The following KIAA1217 variants were observed in gnomAD, a reference collection of about 807,000 sequenced individuals.
KIAA1217 encodes sickle tail protein homolog.
A neutral mutation model predicts 163.9 loss-of-function variants in KIAA1217; 88 were observed. The observed-to-expected ratio is 0.54, with a 90% CI of 0.45 to 0.64. KIAA1217 has a LOEUF of 0.64. KIAA1217 is among the 30% of genes least tolerant of loss of function. The pLI, the probability that KIAA1217 is intolerant of heterozygous loss-of-function variation, is 0.00. For missense variants in KIAA1217, 2,372 were observed against 2,475.0 expected, an observed-to-expected ratio of 0.96 and a Z score of 0.88; for synonymous variants, 903 against 923.1, an observed-to-expected ratio of 0.98 and a Z score of 0.39.
chr10:24,173,986 C>T (rs1335695038), intron 2 of KIAA1217, among the ~76,000 whole-genome samples: 1 of 152,142 alleles, frequency 6.6e-6, no homozygotes, highest in African/African-American at 2.4e-5. Context: ...GGAACATGTG[C>T]CTTGTGACAC....
chr10:24,037,530 A>G (rs1848446852), intron 2 of KIAA1217, among the ~76,000 whole-genome samples: 1 of 152,118 alleles, frequency 6.6e-6, no homozygotes, highest in African/African-American at 2.4e-5. Context: ...TAGCCCACGA[A>G]TTCAAAGTAA....
chr10:23,741,550 A>AC (rs1243240545), intron 1 of KIAA1217, among the ~76,000 whole-genome samples: 1 of 152,002 alleles, frequency 6.6e-6, no homozygotes, highest in Non-Finnish European at 1.5e-5. Flanking sequence ...TATTTCACTA[A>AC]CCCCCCTTTT....
chr10:24,190,289 G>T (rs2066656210), intron 2 of KIAA1217, among the ~76,000 whole-genome samples: 1 of 152,204 alleles, frequency 6.6e-6, no homozygotes, highest in South Asian at 2.1e-4. Context: ...GACCTGCAAG[G>T]TACCATATTT....
chr10:24,188,932 C>T (rs951393328), intron 2 of KIAA1217, among the ~76,000 whole-genome samples: 7 of 151,842 alleles, frequency 4.6e-5, no homozygotes, highest in South Asian at 2.1e-4. Flanking sequence ...GGTGAAACCC[C>T]GTCTCTATTA....
At chr10:23,804,761 T>C (rs1836656873) in intron 1 of KIAA1217, among the ~76,000 whole-genome samples, 1 of 152,166 alleles carries the variant, frequency 6.6e-6, no homozygotes, top group South Asian at 2.1e-4. Flanking sequence ...TGAATGAAAG[T>C]GTATAGTCCG....
chr10:23,861,981 A>T (rs115069952), intron 1 of KIAA1217, among the ~76,000 whole-genome samples: 4,083 of 152,296 alleles, frequency 0.027, 75 homozygotes, highest in Middle Eastern at 0.044. Flanking sequence ...GCAATAGAAA[A>T]CTAATATAAG....
At chr10:23,990,348 C>A (rs1846165742) in intron 1 of KIAA1217, among the ~76,000 whole-genome samples, 1 of 152,262 alleles carries the variant, frequency 6.6e-6, no homozygotes, top group African/African-American at 2.4e-5. Flanking sequence ...CTGCTTAAAT[C>A]TTTCCCTTTT....
chr10:24,141,227 C>T (rs1203394351), intron 2 of KIAA1217, among the ~76,000 whole-genome samples: 2 of 93,068 alleles, frequency 2.1e-5, no homozygotes, highest in Non-Finnish European at 4.4e-5. Context: ...AAGAATAAAC[C>T]CCCCCCCCCC....
chr10:24,005,053 C>G (rs916783099), intron 1 of KIAA1217, among the ~76,000 whole-genome samples: 7 of 152,188 alleles, frequency 4.6e-5, no homozygotes, highest in African/African-American at 1.7e-4. Flanking sequence ...AACTATTACA[C>G]GCACAGAAAA....
At chr10:24,074,247 G>A (rs993637329) in intron 2 of KIAA1217, among the ~76,000 whole-genome samples, 4 of 152,090 alleles carry the variant, frequency 2.6e-5, no homozygotes, top group Non-Finnish European at 5.9e-5. Context: ...TACTCAGGAG[G>A]CTGAGGCAGG....
At chr10:23,865,223 T>G (rs888548580) in intron 1 of KIAA1217, among the ~76,000 whole-genome samples, 1 of 152,168 alleles carries the variant, frequency 6.6e-6, no homozygotes, top group African/African-American at 2.4e-5. Context: ...AATTTTTCCT[T>G]TGTCCTGGTC....
chr10:23,946,222 A>G (rs1244944661), intron 1 of KIAA1217, among the ~76,000 whole-genome samples: 1 of 151,458 alleles, frequency 6.6e-6, no homozygotes, highest in African/African-American at 2.4e-5. Flanking sequence ...CCTTCTGCCC[A>G]AGGAAAATCC....
At chr10:24,171,853 A>C (rs994613080) in intron 2 of KIAA1217, among the ~76,000 whole-genome samples, 1 of 152,214 alleles carries the variant, frequency 6.6e-6, no homozygotes, top group African/African-American at 2.4e-5. Context: ...ATGATGATCA[A>C]CACCATAATC....
intron 2 of KIAA1217, among the ~76,000 whole-genome samples, chr10:24,310,979 G>A (rs1451609708): frequency 2.0e-5 from 3 of 152,192 alleles, no homozygotes; most frequent in African/African-American, 7.2e-5. Flanking sequence ...ACCTGGGCAA[G>A]AGAGTGAGAC....
At chr10:24,102,995 G>A (rs567479482) in intron 2 of KIAA1217, among the ~76,000 whole-genome samples, 4 of 152,232 alleles carry the variant, frequency 2.6e-5, no homozygotes, top group East Asian at 1.9e-4. Flanking sequence ...AAGCTCTCTC[G>A]CCTGCTGCCA....
At chr10:24,282,678 TTTG>T (rs1470875759) in intron 2 of KIAA1217, among the ~76,000 whole-genome samples, 1 of 152,092 alleles carries the variant, frequency 6.6e-6, no homozygotes, top group Non-Finnish European at 1.5e-5. Flanking sequence ...TTCTTTGTTT[TTTG>T]TTGTTGTTTT....
At chr10:24,212,687 T>G (rs557747686) in intron 1 of KIAA1217, among the ~76,000 whole-genome samples, 1 of 152,368 alleles carries the variant, frequency 6.6e-6, no homozygotes, top group East Asian at 1.9e-4. Context: ...GAGCAACATC[T>G]CTGATGCTAA....
At chr10:24,395,105 C>T (rs2055538481) in intron 3 of KIAA1217, among the ~76,000 whole-genome samples, 1 of 152,150 alleles carries the variant, frequency 6.6e-6, no homozygotes, top group Non-Finnish European at 1.5e-5. Context: ...CAGTGACCAC[C>T]ATCACCACAT....
intron 2 of KIAA1217, among the ~76,000 whole-genome samples, chr10:24,176,363 A>G (rs1212136735): frequency 6.6e-6 from 1 of 152,090 alleles, no homozygotes; most frequent in East Asian, 1.9e-4. Flanking sequence ...TCCCCACTAG[A>G]TTAGCTAGAA....
Sources: gnomAD v4.1 joint callset for allele counts (sites outside exome capture counted in the v4.1 genomes callset) on GRCh38, gnomAD v4.1.1 for gene constraint, MANE v1.5 for transcripts, NCBI Gene and HGNC (gene_info 2026-07-23, HGNC 2026-07-21) for gene names.